Variants in DCLK1 observed in about 807,000 individuals in gnomAD.
DCLK1 encodes the protein doublecortin like kinase 1.
DCLK1 carries 16 observed loss-of-function variants against 86.2 expected under a neutral mutation model. The ratio of observed to expected loss-of-function variants is 0.19; its 90% CI spans 0.13 to 0.28. The LOEUF is 0.28. Ranked by LOEUF, DCLK1 falls within the 10% of genes least tolerant of loss-of-function variation. The pLI, the probability that DCLK1 is intolerant of heterozygous loss-of-function variation, is 1.00. For synonymous variants in DCLK1, 369 were observed against 370.5 expected, an observed-to-expected ratio of 1.00 and a Z score of 0.05; for missense variants, 590 against 940.2, an observed-to-expected ratio of 0.63 and a Z score of 4.87.
intron 4 of DCLK1, among the ~76,000 whole-genome samples, chr13:35,881,623 A>G (rs1313614730): frequency 6.6e-6 from 1 of 152,106 alleles, no homozygotes; most frequent in Non-Finnish European, 1.5e-5. Context: ...ACTTGGCACT[A>G]TGGCTCGGTA....
At chr13:35,938,623 T>C (rs1327467260) in intron 4 of DCLK1, among the ~76,000 whole-genome samples, 1 of 151,358 alleles carries the variant, frequency 6.6e-6, no homozygotes, top group Non-Finnish European at 1.5e-5. Context: ...AGTGAGACTC[T>C]GTCTCAAAAA....
chr13:36,093,050 T>C (rs6563337), intron 3 of DCLK1, among the ~76,000 whole-genome samples: 109,679 of 152,090 alleles, frequency 0.72, 40,747 homozygotes, highest in East Asian at 0.99. Flanking sequence ...GAGACAAAAA[T>C]AATAACAATA....
chr13:36,045,568 C>T (rs1299280593), intron 3 of DCLK1, among the ~76,000 whole-genome samples: 1 of 151,578 alleles, frequency 6.6e-6, no homozygotes, highest in African/African-American at 2.4e-5. Flanking sequence ...ATTTTGTCAT[C>T]AGGTCGGGTG....
At chr13:35,788,053 G>A (rs1593588734) in intron 16 of DCLK1, 1 of 714,930 alleles carries the variant, frequency 1.4e-6, no homozygotes. Flanking sequence ...GGAATGAGGG[G>A]GTGTGGCATC....
At chr13:35,940,259 T>C (rs1877008945) in intron 4 of DCLK1, among the ~76,000 whole-genome samples, 2 of 144,170 alleles carry the variant, frequency 1.4e-5, no homozygotes, top group Non-Finnish European at 3.0e-5. Flanking sequence ...GGGTCACATC[T>C]CCAGCCTGGG....
In DCLK1 at chr13:36,111,085, C is replaced by T. The variant is rs1381221991; in HGVS notation, c.723+784G>A. ...TCCTGACCTCGTGATCCGCCTGCCTCGGCCTCCCAAAGTGCTGGGATTACA... is the reference window on the plus strand; with the variant it reads ...TCCTGACCTCGTGATCCGCCTGCCTTGGCCTCCCAAAGTGCTGGGATTACA... On this transcript the variant is annotated intron_variant, in intron 3 of 16. Coordinates refer to ENST00000360631, the MANE Select transcript of DCLK1 (RefSeq NM_001330071.2). 3.3e-5 allele frequency among the ~76,000 whole-genome samples: 5 copies of T among 151,956 alleles called. No individual in the cohort carries two copies. In the East Asian group the frequency reaches 5.8e-4, roughly 18 times the overall value.
rs1182746287 is a variant in DCLK1, at chr13:36,013,760, T to C, written c.724-66303A>G. Among the ~76,000 whole-genome samples the C allele has an allele frequency of 2.2e-4, 34 of 152,320 alleles. No homozygotes were observed. The East Asian group carries it at 6.2e-3, about 28-fold the overall frequency. ...TTGAGCTGTGGTGGGCTCCACCCAG[T>C]TCGAGCTTCCTGGCTGCTTTGTTTA... On this transcript the variant is annotated intron_variant, in intron 3 of 16. Coordinates refer to ENST00000360631, the MANE Select transcript of DCLK1 (RefSeq NM_001330071.2).
intron 4 of DCLK1, among the ~76,000 whole-genome samples, chr13:35,897,439 T>C (rs1159752879): frequency 6.6e-6 from 1 of 152,084 alleles, no homozygotes; most frequent in Admixed American, 6.6e-5. Flanking sequence ...ATCAGAGAGA[T>C]CTGACTTTTT....
intron 5 of DCLK1, among the ~76,000 whole-genome samples, chr13:35,870,310 A>G (rs984704933): frequency 1.3e-5 from 2 of 152,078 alleles, no homozygotes; most frequent in African/African-American, 4.8e-5. Flanking sequence ...AGAATCAAGG[A>G]GGGCTGGGTG....
At chr13:35,989,523 C>G (rs1388407381) in intron 3 of DCLK1, among the ~76,000 whole-genome samples, 1 of 152,096 alleles carries the variant, frequency 6.6e-6, no homozygotes, top group Admixed American at 6.5e-5. Context: ...CCACCCGCCT[C>G]GGCTTCCCAA....
At chr13:35,973,749 C>CG (rs1566627854) in intron 3 of DCLK1, among the ~76,000 whole-genome samples, 2 of 152,062 alleles carry the variant, frequency 1.3e-5, no homozygotes, top group African/African-American at 4.8e-5. Context: ...GGTCAAGGAA[C>CG]GGGGAACCTG....
chr13:35,859,183 A>G lies in DCLK1; in HGVS notation c.941-4590T>C, dbSNP rs115420085. The stretch of plus-strand genomic sequence containing the variant: ...TCTTTATCTTGAATGGGAACAATTA[A>G]ACTAACACGGTTGTTGTTAAACAGC... On this transcript the variant is annotated intron_variant, in intron 5 of 16. Coordinates refer to ENST00000360631, the MANE Select transcript of DCLK1 (RefSeq NM_001330071.2). Among the ~76,000 whole-genome samples, 133 of 152,312 alleles carry G rather than the reference A, an allele frequency of 8.7e-4. 1 individual carries two copies. The highest frequency in any genetic ancestry group is 3.0e-3 in the African/African-American group (124 of 41,578).
chr13:36,025,988 C>G (rs1005530826), intron 3 of DCLK1, among the ~76,000 whole-genome samples: 14 of 151,946 alleles, frequency 9.2e-5, no homozygotes, highest in African/African-American at 3.1e-4. Flanking sequence ...AAGACATGCA[C>G]TGTGTTTTCA....
intron 3 of DCLK1, among the ~76,000 whole-genome samples, chr13:36,042,972 T>A (rs1593841706): frequency 6.6e-6 from 1 of 152,196 alleles, no homozygotes; most frequent in African/African-American, 2.4e-5. Flanking sequence ...TTCACTCAAA[T>A]TAAATCTGTG....
intron 3 of DCLK1, among the ~76,000 whole-genome samples, chr13:36,105,907 A>G (rs1385470079): frequency 6.6e-6 from 1 of 152,158 alleles, no homozygotes; most frequent in African/African-American, 2.4e-5. Flanking sequence ...GAAAAGGCTC[A>G]CAGGCCGGGT....
intron 3 of DCLK1, among the ~76,000 whole-genome samples, chr13:36,008,139 A>AT (rs777909367): frequency 0.24 from 24,222 of 102,044 alleles, 4,320 homozygotes; most frequent in East Asian, 0.59. Context: ...TCTCTCTAAA[A>AT]TTTTTTTTTT....
chr13:35,849,756 G>T (rs768455790), intron 6 of DCLK1: 3 of 985,226 alleles, frequency 3.0e-6, no homozygotes, highest in Non-Finnish European at 3.6e-6. Context: ...TTTCAGAGTG[G>T]AGATTTGGAT....
chr13:35,828,218 T>C (rs1868645845), intron 9 of DCLK1, 32 bp downstream of exon 9: 3 of 1,573,700 alleles, frequency 1.9e-6, no homozygotes, highest in Non-Finnish European at 2.6e-6. Context: ...TCTTGAACAC[T>C]CTTATCTCAT....
intron 16 of DCLK1, among the ~76,000 whole-genome samples, chr13:35,787,382 A>G (rs2086642595): frequency 6.6e-6 from 1 of 151,992 alleles, no homozygotes; most frequent in Admixed American, 6.6e-5. Flanking sequence ...CTCAGAGTTC[A>G]TTTCTCAAAC....
Sources: allele counts gnomAD v4.1 joint callset (sites outside exome capture counted in the v4.1 genomes callset), GRCh38; gene constraint gnomAD v4.1.1; transcripts MANE v1.5; gene names NCBI Gene and HGNC (gene_info 2026-07-23, HGNC 2026-07-21).